The following SUCLG2 variants were observed in gnomAD, a reference collection of about 807,000 sequenced individuals.
The protein encoded by SUCLG2 is succinate--CoA ligase [GDP-forming] subunit beta, mitochondrial.
A neutral mutation model predicts 47.9 loss-of-function variants in SUCLG2; 42 were observed. The observed-to-expected ratio is 0.88, with a 90% CI of 0.69 to 1.14. SUCLG2 has a LOEUF of 1.14. Ranked by LOEUF, SUCLG2 falls within the 50% of genes most tolerant of loss-of-function variation. SUCLG2 has a pLI of 0.00. For missense variants in SUCLG2, 571 were observed against 525.9 expected (o/e 1.09, Z -0.84); for synonymous variants, 195 against 197.3 (o/e 0.99, Z 0.10).
chr3:67,597,573 G>C (rs576013385), intron 2 of SUCLG2, among the ~76,000 whole-genome samples: 1 of 152,266 alleles, frequency 6.6e-6, no homozygotes, highest in South Asian at 2.1e-4. Flanking sequence ...ATCCCAAACT[G>C]TCTGGAAGGC....
At chr3:67,386,614 T>G (rs763519533) in intron 10 of SUCLG2, among the ~76,000 whole-genome samples, 3 of 152,196 alleles carry the variant, frequency 2.0e-5, no homozygotes, top group Non-Finnish European at 2.9e-5. Context: ...AGGGCATGTG[T>G]AGGGGAATTC....
At chr3:67,513,612 T>C (rs927318379) in intron 6 of SUCLG2, among the ~76,000 whole-genome samples, 9 of 152,172 alleles carry the variant, frequency 5.9e-5, no homozygotes, top group Admixed American at 3.3e-4. Flanking sequence ...ATGTGGCAAG[T>C]TGAGATTAGT....
intron 9 of SUCLG2, among the ~76,000 whole-genome samples, chr3:67,461,914 AC>A (rs1202844884): frequency 3.3e-5 from 5 of 152,046 alleles, no homozygotes; most frequent in Admixed American, 6.6e-5. Context: ...GGTCTCTGGA[AC>A]AGATGGTAGA....
At chr3:67,562,570 G>A (rs1333869718) in intron 2 of SUCLG2, among the ~76,000 whole-genome samples, 2 of 152,202 alleles carry the variant, frequency 1.3e-5, no homozygotes, top group Non-Finnish European at 2.9e-5. Flanking sequence ...GAGCCACTGC[G>A]CCCGGCCTCC....
intron 5 of SUCLG2, 86 bp downstream of exon 5, chr3:67,520,396 T>G: frequency 1.9e-6 from 3 of 1,575,522 alleles, no homozygotes; most frequent in Non-Finnish European, 2.6e-6. Flanking sequence ...GATTTAGTGC[T>G]CCTGGCCTTA....
intron 9 of SUCLG2, among the ~76,000 whole-genome samples, chr3:67,429,494 C>T (rs955306768): frequency 1.3e-5 from 2 of 152,150 alleles, no homozygotes; most frequent in South Asian, 2.1e-4. Flanking sequence ...ACTGCAAAAA[C>T]GTGCCAAGTT....
chr3:67,376,781 C>T (rs991654974), intron 10 of SUCLG2, among the ~76,000 whole-genome samples: 4 of 152,154 alleles, frequency 2.6e-5, no homozygotes, highest in African/African-American at 9.7e-5. Flanking sequence ...TGGGTCTACC[C>T]AAGCAGCAGT....
chr3:67,526,315 A>T (rs1324682537), intron 4 of SUCLG2, among the ~76,000 whole-genome samples: 2 of 152,208 alleles, frequency 1.3e-5, no homozygotes, highest in Non-Finnish European at 2.9e-5. Flanking sequence ...AAAAAATCTC[A>T]TAATGTTTAG....
At chr3:67,601,385 C>T (rs1708414215) in intron 2 of SUCLG2, among the ~76,000 whole-genome samples, 1 of 151,514 alleles carries the variant, frequency 6.6e-6, no homozygotes, top group South Asian at 2.1e-4. Flanking sequence ...GAGCATGTTC[C>T]TTTGATAATC....
chr3:67,647,261 C>T (rs542866428), intron 1 of SUCLG2, among the ~76,000 whole-genome samples: 7 of 152,174 alleles, frequency 4.6e-5, no homozygotes, highest in South Asian at 2.1e-4. Context: ...TCAAATCCCT[C>T]GAATTTTAAA....
chr3:67,548,717 G>C (rs545827744), intron 2 of SUCLG2, among the ~76,000 whole-genome samples: 3 of 152,186 alleles, frequency 2.0e-5, no homozygotes, highest in Non-Finnish European at 2.9e-5. Flanking sequence ...AGTATCCTTA[G>C]GACAAATGAG....
At chr3:67,539,229 T>C (rs1706632173) in intron 2 of SUCLG2, among the ~76,000 whole-genome samples, 1 of 152,220 alleles carries the variant, frequency 6.6e-6, no homozygotes, top group African/African-American at 2.4e-5. Context: ...TTGAGATATG[T>C]TCCATCAATA....
chr3:67,543,149 G>A (rs568277608), intron 2 of SUCLG2, among the ~76,000 whole-genome samples: 2 of 152,266 alleles, frequency 1.3e-5, no homozygotes, highest in South Asian at 4.1e-4. Flanking sequence ...TTAGAACTCA[G>A]GAGTAAGAAA....
At chr3:67,508,462 G>T (rs921238720) in intron 7 of SUCLG2, among the ~76,000 whole-genome samples, 1 of 151,942 alleles carries the variant, frequency 6.6e-6, no homozygotes, top group Non-Finnish European at 1.5e-5. Context: ...TAGAGACAGG[G>T]TCTCAATATG....
intron 10 of SUCLG2, among the ~76,000 whole-genome samples, chr3:67,390,753 T>A (rs976706845): frequency 6.6e-6 from 1 of 152,172 alleles, no homozygotes; most frequent in Non-Finnish European, 1.5e-5. Flanking sequence ...AAATGTACAT[T>A]TATTGACAGC....
intron 10 of SUCLG2, among the ~76,000 whole-genome samples, chr3:67,388,907 G>C (rs1008566234): frequency 2.6e-5 from 4 of 152,086 alleles, no homozygotes; most frequent in Non-Finnish European, 5.9e-5. Flanking sequence ...AGGAAGGAGT[G>C]GGTAGAGGAT....
chr3:67,459,212 T>C (rs1704265279), intron 9 of SUCLG2, among the ~76,000 whole-genome samples: 3 of 152,048 alleles, frequency 2.0e-5, no homozygotes, highest in Non-Finnish European at 4.4e-5. Flanking sequence ...TAAGCTAACG[T>C]GGCCTGCTTG....
intron 9 of SUCLG2, among the ~76,000 whole-genome samples, chr3:67,431,814 C>T (rs2106887648): frequency 1.3e-5 from 2 of 152,128 alleles, no homozygotes; most frequent in East Asian, 3.9e-4. Flanking sequence ...GTGCAGCAAG[C>T]CAACATGGCA....
At chr3:67,568,381 A>G (rs1345226214) in intron 2 of SUCLG2, among the ~76,000 whole-genome samples, 1 of 152,190 alleles carries the variant, frequency 6.6e-6, no homozygotes, top group Non-Finnish European at 1.5e-5. Context: ...AAGTAATATG[A>G]TTCTTTGATC....
Sources: allele counts gnomAD v4.1 joint callset (sites outside exome capture counted in the v4.1 genomes callset), GRCh38; gene constraint gnomAD v4.1.1; transcripts MANE v1.5; gene names NCBI Gene and HGNC (gene_info 2026-07-23, HGNC 2026-07-21).